The following PARD3B variants were observed in gnomAD, a reference collection of about 807,000 sequenced individuals.
PARD3B encodes partitioning defective 3 homolog B.
In PARD3B, 103 loss-of-function variants were observed where a neutral mutation model predicts 130.2. That is an observed-to-expected ratio of 0.79 (90% CI 0.67 to 0.93). PARD3B has a LOEUF of 0.93. Ranked by LOEUF, PARD3B falls within the 40% of genes least tolerant of loss-of-function variation. PARD3B has a pLI of 0.00. For missense variants in PARD3B, 1,609 were observed against 1,499.2 expected, an observed-to-expected ratio of 1.07 and a Z score of -1.21; for synonymous variants, 583 against 553.2, an observed-to-expected ratio of 1.05 and a Z score of -0.76.
At chr2:205,024,584 T>C (rs1696876021) in intron 3 of PARD3B, among the ~76,000 whole-genome samples, 1 of 152,204 alleles carries the variant, frequency 6.6e-6, no homozygotes, top group Non-Finnish European at 1.5e-5. Flanking sequence ...TTTGTCCAGA[T>C]ATGTTGATCA....
intron 3 of PARD3B, among the ~76,000 whole-genome samples, chr2:205,004,474 T>G (rs1452774952): frequency 6.6e-6 from 1 of 152,232 alleles, no homozygotes; most frequent in Non-Finnish European, 1.5e-5. Context: ...TAGTTACCTT[T>G]CATAAAACGT....
chr2:204,838,373 G>C (rs2044134908), intron 2 of PARD3B, among the ~76,000 whole-genome samples: 1 of 150,446 alleles, frequency 6.6e-6, no homozygotes, highest in Non-Finnish European at 1.5e-5. Context: ...GTGTGTGTGT[G>C]TGTGTGTGTG....
At chr2:204,802,221 C>T (rs1248339458) in intron 2 of PARD3B, among the ~76,000 whole-genome samples, 1 of 152,004 alleles carries the variant, frequency 6.6e-6, no homozygotes. Context: ...ATTTATGTGG[C>T]CAATAAACAT....
chr2:205,547,260 A>G (rs1302266282), intron 21 of PARD3B, among the ~76,000 whole-genome samples: 1 of 152,140 alleles, frequency 6.6e-6, no homozygotes, highest in South Asian at 2.1e-4. Context: ...AAAACTAGAA[A>G]GGTTTTCAGC....
chr2:205,197,427 A>G (rs979402562), intron 15 of PARD3B, among the ~76,000 whole-genome samples: 78 of 152,138 alleles, frequency 5.1e-4, no homozygotes, highest in African/African-American at 1.9e-3. Context: ...TATATTAAAC[A>G]CTTCTTGAGA....
chr2:205,216,935 T>C (rs973099487), intron 15 of PARD3B, among the ~76,000 whole-genome samples: 1 of 152,168 alleles, frequency 6.6e-6, no homozygotes, highest in Non-Finnish European at 1.5e-5. Flanking sequence ...TCTGCCACTC[T>C]TGACTTTCTG....
At chr2:205,034,523 T>C (rs925590653) in intron 3 of PARD3B, among the ~76,000 whole-genome samples, 1 of 152,118 alleles carries the variant, frequency 6.6e-6, no homozygotes, top group Admixed American at 6.6e-5. Context: ...ATTCGGTAAA[T>C]ATTTAATGAC....
At chr2:205,205,430 C>G (rs1253768165) in intron 15 of PARD3B, among the ~76,000 whole-genome samples, 4 of 152,002 alleles carry the variant, frequency 2.6e-5, no homozygotes, top group Admixed American at 1.3e-4. Context: ...AGTTCAATAC[C>G]CTTTATTTTT....
rs1452206975 is a variant in PARD3B, at chr2:205,619,585, G to A, written c.*3772G>A. The A allele has an allele frequency of 2.0e-5, 3 of 152,140 alleles. No individual in the cohort carries two copies. Among genetic ancestry groups the A allele is most frequent in the South Asian group, 2.1e-4 (1 of 4,826 alleles). 9.4% of individuals were successfully genotyped at this position (152,140 alleles called of 1,614,324 possible). ...AGTTCCTGCCAACTTAGCTGGAAAC[G>A]ATGCCACAGCGAGACCAGAAAGAGG... On this transcript the variant is annotated 3_prime_UTR_variant, in exon 23 of 23. Transcript: ENST00000406610.
rs926295120 is a variant in PARD3B, at chr2:205,572,538, A to C, written c.3260+19135A>C. 1.3e-5 allele frequency among the ~76,000 whole-genome samples: 2 copies of C among 152,174 alleles called. No homozygotes were observed. Among genetic ancestry groups the C allele is most frequent in the African/African-American group, 4.8e-5 (2 of 41,442 alleles). ...GGCAGGCGGATTGCCTGAGCTCAGG[A>C]GTTTGAGACCACCCCAAACAACATG... On this transcript the variant is annotated intron_variant, in intron 22 of 22. Coordinates refer to ENST00000406610, the MANE Select transcript of PARD3B (RefSeq NM_001302769.2). This position sits in a 1 kb window ranked among gnomAD's most constrained non-coding sequence, Gnocchi z 4.2.
chr2:204,957,694 A>G (rs566323510), intron 2 of PARD3B, among the ~76,000 whole-genome samples: 2 of 152,276 alleles, frequency 1.3e-5, no homozygotes, highest in South Asian at 2.1e-4. Context: ...TTAAAGTAGC[A>G]TAAAAATTAG....
At chr2:205,165,837 G>A (rs1325140497) in intron 11 of PARD3B, among the ~76,000 whole-genome samples, 2 of 152,162 alleles carry the variant, frequency 1.3e-5, no homozygotes, top group African/African-American at 4.8e-5. Flanking sequence ...TAGAAATGGA[G>A]TGAGGTTCTT....
intron 4 of PARD3B, among the ~76,000 whole-genome samples, chr2:205,098,795 A>G (rs1427669143): frequency 6.6e-6 from 1 of 152,152 alleles, no homozygotes; most frequent in East Asian, 1.9e-4. Context: ...AACCAAATGT[A>G]AACACCTTTA....
At chr2:205,437,961 G>A (rs1012671269) in intron 19 of PARD3B, among the ~76,000 whole-genome samples, 1 of 151,804 alleles carries the variant, frequency 6.6e-6, no homozygotes, top group Non-Finnish European at 1.5e-5. Context: ...GAGGGTCAAA[G>A]CTACCAAAAA....
intron 10 of PARD3B, among the ~76,000 whole-genome samples, chr2:205,150,278 G>T (rs2033667381): frequency 6.7e-6 from 1 of 150,084 alleles, no homozygotes; most frequent in Non-Finnish European, 1.5e-5. Flanking sequence ...ATCTGTGAGT[G>T]GAAAGAGCTG....
intron 22 of PARD3B, among the ~76,000 whole-genome samples, chr2:205,555,336 G>A (rs1281831141): frequency 1.3e-5 from 2 of 152,138 alleles, no homozygotes; most frequent in Non-Finnish European, 2.9e-5. Flanking sequence ...GAAACTGGAG[G>A]CACAGTCCCA....
At chr2:205,147,982 TATACAGACA>T (rs1559484879) in intron 10 of PARD3B, among the ~76,000 whole-genome samples, 1 of 152,150 alleles carries the variant, frequency 6.6e-6, no homozygotes, top group Non-Finnish European at 1.5e-5. Context: ...ATCATAGGGC[TATACAGACA>T]ATACAGACAT....
intron 18 of PARD3B, among the ~76,000 whole-genome samples, chr2:205,381,229 AATAT>A (rs1385340282): frequency 7.9e-6 from 1 of 127,076 alleles, no homozygotes; most frequent in Admixed American, 9.0e-5. Context: ...TATTATATAT[AATAT>A]ATATAAAAAG....
chr2:205,542,922 C>A (rs1383162043), intron 21 of PARD3B, among the ~76,000 whole-genome samples: 2 of 152,132 alleles, frequency 1.3e-5, no homozygotes, highest in African/African-American at 4.8e-5. Flanking sequence ...TAAGGCATAA[C>A]CATAAAACAG....
Sources: gnomAD v4.1 joint callset for allele counts (sites outside exome capture counted in the v4.1 genomes callset) on GRCh38, gnomAD v4.1.1 for gene constraint, Gnocchi (gnomAD v3.1) non-coding constraint, MANE v1.5 for transcripts, NCBI Gene and HGNC (gene_info 2026-07-23, HGNC 2026-07-21) for gene names.